Variants in CACNA1B observed in about 807,000 individuals in gnomAD.
CACNA1B encodes calcium voltage-gated channel subunit alpha1 B.
A neutral mutation model predicts 247.2 loss-of-function variants in CACNA1B; 70 were observed. The ratio of observed to expected loss-of-function variants is 0.28; its 90% CI spans 0.23 to 0.35. The LOEUF (loss-of-function observed/expected upper bound fraction) is 0.35. CACNA1B is among the 10% of genes least tolerant of loss of function. The probability of loss-of-function intolerance (pLI) is 1.00; values close to 1 mark genes in which losing one functional copy is unlikely to be tolerated. For missense variants in CACNA1B, 2,367 were observed against 3,197.4 expected (o/e 0.74, Z 6.26); for synonymous variants, 1,231 against 1,294.4 (o/e 0.95, Z 1.05).
At chr9:138,022,185 C>T (rs893349286) in intron 18 of CACNA1B, among the ~76,000 whole-genome samples, 6 of 152,156 alleles carry the variant, frequency 3.9e-5, no homozygotes, top group Admixed American at 1.3e-4. Flanking sequence ...TGGAGGGCTC[C>T]GAGGACCATG....
At chr9:137,931,517 C>T (rs951188114) in intron 6 of CACNA1B, among the ~76,000 whole-genome samples, 1 of 152,060 alleles carries the variant, frequency 6.6e-6, no homozygotes, top group Non-Finnish European at 1.5e-5. Context: ...CAGCACAAAT[C>T]GGCCTTAGGT....
chr9:138,108,174 A>G (rs1961499873), intron 39 of CACNA1B, among the ~76,000 whole-genome samples: 1 of 151,850 alleles, frequency 6.6e-6, no homozygotes, highest in Non-Finnish European at 1.5e-5. Flanking sequence ...CTGGCTCTAC[A>G]AAATATTAAA....
rs929388530 is a variant in CACNA1B at position 138,112,595 on chromosome 9, T to G, written c.5536+90T>G. On this transcript the variant is annotated intron_variant, in intron 40 of 46. Transcript: ENST00000371372. ...GGGCTGTGGAGGTGAGGGTGAGGGA[T>G]GAAGGGCAGGCCACCTTGGAGAGGT... 3.4e-6 allele frequency: 3 copies of G among 882,546 alleles called. No individual in the cohort carries two copies. The African/African-American group carries it at 4.9e-5, about 14-fold the overall frequency. 54.7% of individuals were successfully genotyped at this position (882,546 alleles called of 1,614,324 possible).
In CACNA1B at chr9:138,057,228, C is replaced by T. The variant is rs961160127; in HGVS notation, c.3969-504C>T. On this transcript the variant is annotated intron_variant, in intron 26 of 46. Transcript: ENST00000371372. The surrounding 1 kb of genome is among the most constrained non-coding windows in gnomAD (Gnocchi z 4.0). The stretch of plus-strand genomic sequence containing the variant: ...CTGGGATTACAGGCGTGAGCCACCG[C>T]GCCCGGCCTTTTTTATTTATTAGAA... Among the ~76,000 whole-genome samples the T allele has an allele frequency of 1.3e-5, 2 of 152,162 alleles. No homozygotes were observed. Among genetic ancestry groups the T allele is most frequent in the Non-Finnish European group, 2.9e-5 (2 of 68,028 alleles).
Position 138,051,840 on chromosome 9 carries a change from C to T in CACNA1B, c.3711-252C>T, listed in dbSNP as rs1229690660. Among the ~76,000 whole-genome samples the T allele has an allele frequency of 6.6e-6, 1 of 152,116 alleles. No individual in the cohort carries two copies. Among genetic ancestry groups the T allele is most frequent in the African/African-American group, 2.4e-5 (1 of 41,422 alleles). On this transcript the variant is annotated intron_variant, in intron 24 of 46. Transcript: ENST00000371372. The surrounding 1 kb of genome is among the most constrained non-coding windows in gnomAD (Gnocchi z 4.3). ...GGGTGTCAGGGGTGATGGTTCTTCTCCTTGTGCACCAGATGCTGCTGCCCT... is the reference window on the plus strand; with the variant it reads ...GGGTGTCAGGGGTGATGGTTCTTCTTCTTGTGCACCAGATGCTGCTGCCCT...
intron 23 of CACNA1B, among the ~76,000 whole-genome samples, chr9:138,048,088 G>A (rs553819826): frequency 6.6e-6 from 1 of 152,336 alleles, no homozygotes; most frequent in South Asian, 2.1e-4. Flanking sequence ...CGTGCACACA[G>A]GACAGCGTGT....
At chr9:137,898,101 G>A (rs779967703) in intron 3 of CACNA1B, among the ~76,000 whole-genome samples, 2 of 152,060 alleles carry the variant, frequency 1.3e-5, no homozygotes, top group Non-Finnish European at 2.9e-5. Context: ...TAGACATCTG[G>A]GTTGACAATT....
chr9:138,075,851 C>A lies in CACNA1B; in HGVS notation c.4890C>A (p.Thr1630=). The change falls in exon 35 of 47, where the codon ACC becomes ACA. Residue 1630 remains threonine, a synonymous_variant. Transcript: ENST00000371372. ...VFGNIALDDD[T]SINRHNNFRT... is the part of the protein sequence containing the mutation. The stretch of plus-strand genomic sequence containing the variant: ...GGAATATTGCCCTGGATGATGACAC[C>A]AGCATCAACCGCCACAACAACTTCC... The A allele has an allele frequency of 6.2e-7, 1 of 1,608,638 alleles. No homozygotes were observed. Among genetic ancestry groups the A allele is most frequent in the Non-Finnish European group, 8.5e-7 (1 of 1,175,870 alleles).
At chr9:137,895,075 G>C (rs1957158145) in intron 3 of CACNA1B, among the ~76,000 whole-genome samples, 1 of 152,176 alleles carries the variant, frequency 6.6e-6, no homozygotes, top group Non-Finnish European at 1.5e-5. Context: ...TGGGTGTCCA[G>C]TGGCACCAGC....
chr9:137,893,427 G>A (rs906631349), intron 3 of CACNA1B, among the ~76,000 whole-genome samples: 5 of 150,956 alleles, frequency 3.3e-5, no homozygotes, highest in Admixed American at 6.6e-5. Context: ...GAGGTGGGCA[G>A]ATCACGAGGT....
At chr9:137,884,969 TCCTCC>T (rs1956988226) in intron 3 of CACNA1B, among the ~76,000 whole-genome samples, 4 of 30,316 alleles carry the variant, frequency 1.3e-4, no homozygotes, top group African/African-American at 5.7e-4. Context: ...CCCCCCCCCC[TCCTCC>T]CACTTTGCCT....
At chr9:138,116,161 C>T (rs1305502334) in intron 42 of CACNA1B, among the ~76,000 whole-genome samples, 1 of 152,208 alleles carries the variant, frequency 6.6e-6, no homozygotes, top group Non-Finnish European at 1.5e-5. Flanking sequence ...GCTGAGATTC[C>T]ACCTCCATCT....
intron 6 of CACNA1B, among the ~76,000 whole-genome samples, chr9:137,937,014 G>A (rs1266404151): frequency 6.6e-6 from 1 of 152,118 alleles, no homozygotes; most frequent in East Asian, 1.9e-4. Context: ...CCAATTCTGT[G>A]GAGAAAGTCA....
At chr9:138,039,405 G>T (rs11788188) in intron 20 of CACNA1B, among the ~76,000 whole-genome samples, 2,149 of 151,782 alleles carry the variant, frequency 0.014, 18 homozygotes, top group Middle Eastern at 0.034. Context: ...CTAATTATTT[G>T]CTTCTACTGC....
At position 138,120,687 on chromosome 9, in the gene CACNA1B, C is replaced by T. The variant is rs200428875; in HGVS notation, c.6295C>T (p.Arg2099Trp). Residue 2099 changes from arginine (R) to tryptophan (W), a missense_variant, in exon 46 of 47, where the codon CGG (arginine) becomes TGG (tryptophan). Transcript: ENST00000371372. ...CCCGGGAGAGGGGCCTACAGGCTGC[C>T]GGCGGGAACGAGAGCGCCGGCAGGA... is the stretch of plus-strand genomic sequence containing the variant. ...LPPGEGPTGC[R>W]RERERRQERG... The T allele has an allele frequency of 4.1e-4, 623 of 1,515,002 alleles. 1 individual carries two copies. The highest frequency in any genetic ancestry group is 5.2e-4 in the Non-Finnish European group (591 of 1,136,798). The allele number at this position is 1,515,002 out of a possible 1,614,324, so 93.8% of individuals were successfully genotyped here.
chr9:137,956,267 G>A (rs533753763), intron 8 of CACNA1B, among the ~76,000 whole-genome samples: 4 of 152,292 alleles, frequency 2.6e-5, no homozygotes, highest in East Asian at 1.9e-4. Context: ...GGGTAGGGAC[G>A]GGCAGACACA....
chr9:138,048,546 TC>T (rs1045662010), intron 23 of CACNA1B, among the ~76,000 whole-genome samples: 1 of 152,118 alleles, frequency 6.6e-6, no homozygotes, highest in Non-Finnish European at 1.5e-5. Flanking sequence ...GGGCCGTGTC[TC>T]CCTACTCTGA....
At chr9:138,067,225 AG>A (rs1455670410) in intron 31 of CACNA1B, among the ~76,000 whole-genome samples, 3 of 152,238 alleles carry the variant, frequency 2.0e-5, no homozygotes, top group Admixed American at 2.0e-4. Flanking sequence ...AAAGAAGTTG[AG>A]TCAATAAACA....
At chr9:138,046,231 G>C (rs1432493674) in intron 21 of CACNA1B, among the ~76,000 whole-genome samples, 1 of 152,224 alleles carries the variant, frequency 6.6e-6, no homozygotes, top group Non-Finnish European at 1.5e-5. Context: ...ATGCCTGGCA[G>C]GGTAGGTGCT....
Sources: allele counts gnomAD v4.1 joint callset (sites outside exome capture counted in the v4.1 genomes callset), GRCh38; gene constraint gnomAD v4.1.1; non-coding constraint Gnocchi (gnomAD v3.1); transcripts MANE v1.5; gene names NCBI Gene and HGNC (gene_info 2026-07-23, HGNC 2026-07-21).